The following NRXN3 variants were observed in gnomAD, a reference collection of about 807,000 sequenced individuals.
NRXN3 encodes neurexin 3.
Under a neutral mutation model 137.6 loss-of-function variants are expected in NRXN3, and 32 were observed. The ratio of observed to expected loss-of-function variants is 0.23; its 90% confidence interval spans 0.18 to 0.31. The LOEUF (loss-of-function observed/expected upper bound fraction) is 0.31. NRXN3 is among the 10% of genes least tolerant of loss of function. The probability of loss-of-function intolerance (pLI) is 1.00; values close to 1 mark genes in which losing one functional copy is unlikely to be tolerated. For missense variants in NRXN3, 1,574 were observed against 2,062.5 expected, an observed-to-expected ratio of 0.76 and a Z score of 4.59; for synonymous variants, 798 against 784.5, an observed-to-expected ratio of 1.02 and a Z score of -0.29.
intron 15 of NRXN3, among the ~76,000 whole-genome samples, chr14:79,350,228 G>C (rs1253599830): frequency 6.6e-6 from 1 of 152,190 alleles, no homozygotes; most frequent in Non-Finnish European, 1.5e-5. Context: ...CTCTGATTGA[G>C]AGAATTGATT....
At chr14:78,177,626 C>T (rs2059398886) in intron 1 of NRXN3, among the ~76,000 whole-genome samples, 1 of 152,038 alleles carries the variant, frequency 6.6e-6, no homozygotes, top group Admixed American at 6.6e-5. Context: ...TTTAAGACGA[C>T]ATCACACACT....
intron 16 of NRXN3, among the ~76,000 whole-genome samples, chr14:79,498,831 C>A (rs2096791813): frequency 6.6e-6 from 1 of 152,208 alleles, no homozygotes; most frequent in African/African-American, 2.4e-5. Flanking sequence ...GTGTCCCATG[C>A]TGGAGTGCAG....
intron 10 of NRXN3, among the ~76,000 whole-genome samples, chr14:78,931,706 G>C (rs758458440): frequency 1.3e-5 from 2 of 152,098 alleles, no homozygotes; most frequent in Non-Finnish European, 2.9e-5. Context: ...ATGCCATCTT[G>C]GTGAAAATAT....
At chr14:78,688,792 G>A (rs933803720) in intron 6 of NRXN3, among the ~76,000 whole-genome samples, 15 of 152,178 alleles carry the variant, frequency 9.9e-5, no homozygotes, top group African/African-American at 3.6e-4. Flanking sequence ...ACATGGAGGA[G>A]CCCTCTTCAT....
At chr14:79,396,518 A>G (rs1467953134) in intron 15 of NRXN3, among the ~76,000 whole-genome samples, 2 of 152,042 alleles carry the variant, frequency 1.3e-5, no homozygotes, top group Non-Finnish European at 2.9e-5. Context: ...TGTTTTTAAA[A>G]CATTCCTTGA....
intron 15 of NRXN3, among the ~76,000 whole-genome samples, chr14:79,458,170 A>T (rs1245962969): frequency 6.6e-6 from 1 of 152,174 alleles, no homozygotes; most frequent in Non-Finnish European, 1.5e-5. Context: ...TTTTACAAAA[A>T]CAATTTGCAA....
intron 11 of NRXN3, among the ~76,000 whole-genome samples, chr14:78,962,354 G>A (rs2099409737): frequency 6.6e-6 from 1 of 152,138 alleles, no homozygotes; most frequent in African/African-American, 2.4e-5. Flanking sequence ...TGCCTTATAT[G>A]GAATTTTCAG....
Position 78,803,774 on chromosome 14 carries a change from C to T in NRXN3, c.2199C>T (p.Thr733=). 6.2e-7 allele frequency: 1 copy of T among 1,614,028 alleles called. No individual in the cohort carries two copies. The highest frequency in any genetic ancestry group is 8.5e-7 in the Non-Finnish European group (1 of 1,180,002). ...VATTSRDSAD[T]LRLELDGGRV... Reference sequence around the variant, plus strand: ...CGACCTCCAGGGACTCTGCCGACACCCTGCGTCTGGAGCTGGATGGGGGGC... The same window carrying T: ...CGACCTCCAGGGACTCTGCCGACACTCTGCGTCTGGAGCTGGATGGGGGGC... Residue 733 remains threonine, a synonymous_variant, in exon 9 of 21, where the codon ACC becomes ACT. Coordinates refer to ENST00000335750, the MANE Select transcript of NRXN3 (RefSeq NM_001330195.2).
chr14:78,299,674 A>G (rs1337888069), intron 4 of NRXN3, among the ~76,000 whole-genome samples: 1 of 152,180 alleles, frequency 6.6e-6, no homozygotes, highest in Admixed American at 6.5e-5. Context: ...ACACTGATGC[A>G]GCATGGATAT....
At chr14:78,600,472 C>T (rs1468122076) in intron 4 of NRXN3, among the ~76,000 whole-genome samples, 1 of 152,196 alleles carries the variant, frequency 6.6e-6, no homozygotes, top group African/African-American at 2.4e-5. Context: ...AGTCATAAAA[C>T]CACATCTCCC....
chr14:79,100,931 T>C (rs539588461), intron 15 of NRXN3, among the ~76,000 whole-genome samples: 119 of 152,296 alleles, frequency 7.8e-4, no homozygotes, highest in African/African-American at 2.8e-3. Flanking sequence ...AGATAGATCT[T>C]ATGGATTGAT....
chr14:78,201,857 C>T (rs1005212814), intron 1 of NRXN3, among the ~76,000 whole-genome samples: 7 of 152,254 alleles, frequency 4.6e-5, no homozygotes, highest in East Asian at 3.9e-4. Flanking sequence ...TCTCCGATGA[C>T]GCGCGTCTGA....
At chr14:79,030,059 T>C (rs2099605006) in intron 15 of NRXN3, among the ~76,000 whole-genome samples, 1 of 150,630 alleles carries the variant, frequency 6.6e-6, no homozygotes, top group Admixed American at 6.6e-5. Context: ...CTTTTTTTTT[T>C]TTTGTAGAAA....
intron 16 of NRXN3, among the ~76,000 whole-genome samples, chr14:79,619,555 T>C (rs935340462): frequency 6.6e-6 from 1 of 152,074 alleles, no homozygotes; most frequent in Non-Finnish European, 1.5e-5. Context: ...TGGTTAATTG[T>C]ACCTATATTA....
intron 4 of NRXN3, among the ~76,000 whole-genome samples, chr14:78,470,802 A>G (rs1311708392): frequency 6.6e-6 from 1 of 152,176 alleles, no homozygotes; most frequent in Non-Finnish European, 1.5e-5. Flanking sequence ...TACAGTATAA[A>G]AAATCCTTTT....
intron 10 of NRXN3, among the ~76,000 whole-genome samples, chr14:78,926,934 TTA>T (rs1274111619): frequency 0.013 from 405 of 30,476 alleles, 86 homozygotes; most frequent in African/African-American, 0.09. Flanking sequence ...TATAATATAT[TTA>T]TATATATATA....
At chr14:78,972,359 T>A (rs2153016729) in intron 14 of NRXN3, among the ~76,000 whole-genome samples, 1 of 152,328 alleles carries the variant, frequency 6.6e-6, no homozygotes, top group African/African-American at 2.4e-5. Context: ...ATTAAACAAA[T>A]TGAGCTTTTT....
intron 16 of NRXN3, among the ~76,000 whole-genome samples, chr14:79,497,877 T>C (rs1454022680): frequency 6.6e-6 from 1 of 151,910 alleles, no homozygotes. Flanking sequence ...TCTACTAAAA[T>C]ACAAAAATTA....
chr14:78,849,853 A>G (rs993905693), intron 10 of NRXN3, among the ~76,000 whole-genome samples: 1 of 152,098 alleles, frequency 6.6e-6, no homozygotes, highest in African/African-American at 2.4e-5. Flanking sequence ...GAGGAACACA[A>G]AGCTTTAAGT....
Sources: allele counts gnomAD v4.1 joint callset (sites outside exome capture counted in the v4.1 genomes callset), GRCh38; gene constraint gnomAD v4.1.1; transcripts MANE v1.5; gene names NCBI Gene and HGNC (gene_info 2026-07-23, HGNC 2026-07-21).